Variants in DOCK10 observed in about 807,000 individuals in gnomAD.
The protein encoded by DOCK10 is dedicator of cytokinesis protein 10.
Under a neutral mutation model 280.1 loss-of-function variants are expected in DOCK10, and 145 were observed. That is an observed-to-expected ratio of 0.52 (90% confidence interval 0.45 to 0.59). The LOEUF is 0.59. Among genes scored for constraint, DOCK10 ranks in the 20% least tolerant of loss-of-function variants. The pLI is 0.00. For synonymous variants in DOCK10, 915 were observed against 942.2 expected, an observed-to-expected ratio of 0.97 and a Z score of 0.53; for missense variants, 2,368 against 2,651.7, an observed-to-expected ratio of 0.89 and a Z score of 2.35.
intron 50 of DOCK10, among the ~76,000 whole-genome samples, chr2:224,783,411 A>C (rs1691498357): frequency 6.6e-6 from 1 of 151,758 alleles, no homozygotes; most frequent in Non-Finnish European, 1.5e-5. Context: ...AGTAGCTGGG[A>C]TTACAGGCGC....
intron 39 of DOCK10, among the ~76,000 whole-genome samples, chr2:224,802,859 A>G (rs1052909946): frequency 6.6e-6 from 1 of 152,160 alleles, no homozygotes; most frequent in African/African-American, 2.4e-5. Flanking sequence ...TTACCTAAAA[A>G]TGAGGCAGTG....
chr2:224,991,442 C>T (rs1434164808), intron 1 of DOCK10, among the ~76,000 whole-genome samples: 9 of 152,184 alleles, frequency 5.9e-5, no homozygotes, highest in Non-Finnish European at 1.3e-4. Context: ...TAGGTGGTAT[C>T]ATTCTTTCAC....
chr2:224,825,106 G>A (rs1694761284), intron 27 of DOCK10, among the ~76,000 whole-genome samples: 1 of 151,456 alleles, frequency 6.6e-6, no homozygotes, highest in Admixed American at 6.6e-5. Context: ...AGCCTCCTGA[G>A]TAGCTGGGAT....
At chr2:224,922,888 A>G (rs1303470265) in intron 2 of DOCK10, among the ~76,000 whole-genome samples, 1 of 152,226 alleles carries the variant, frequency 6.6e-6, no homozygotes, top group Non-Finnish European at 1.5e-5. Flanking sequence ...TTGGGGAGTT[A>G]TAAGCCTCAC....
chr2:224,896,239 A>G, intron 4 of DOCK10, 56 bp downstream of exon 4: 1 of 1,057,222 alleles, frequency 9.5e-7, no homozygotes, highest in Non-Finnish European at 1.4e-6. Context: ...GGACTAGAAC[A>G]GAGGATGTCA....
chr2:224,793,328 A>T, intron 46 of DOCK10, 72 bp downstream of exon 46: 1 of 1,224,828 alleles, frequency 8.2e-7, no homozygotes, highest in Non-Finnish European at 1.2e-6. Flanking sequence ...ATGTAAAATT[A>T]ATACATTATT....
intron 2 of DOCK10, among the ~76,000 whole-genome samples, chr2:224,922,051 G>A (rs1053500808): frequency 3.3e-5 from 5 of 151,290 alleles, no homozygotes; most frequent in African/African-American, 9.7e-5. Flanking sequence ...CCCGGGTGGC[G>A]GAGGTTGCGG....
intron 19 of DOCK10, among the ~76,000 whole-genome samples, chr2:224,848,198 C>A (rs943496619): frequency 7.2e-5 from 11 of 152,130 alleles, no homozygotes; most frequent in African/African-American, 2.4e-4. Context: ...TCATTTCAGA[C>A]TTCGTACCAC....
intron 7 of DOCK10, among the ~76,000 whole-genome samples, chr2:224,885,062 C>T (rs756455639): frequency 1.3e-5 from 2 of 152,168 alleles, no homozygotes; most frequent in South Asian, 2.1e-4. Flanking sequence ...TGCAGTGGCA[C>T]GATCTCGGCT....
intron 16 of DOCK10, 111 bp downstream of exon 16, chr2:224,854,852 T>TAGCCAACCAACCAACC (rs1696997574): frequency 1.5e-6 from 1 of 660,410 alleles, no homozygotes; most frequent in Admixed American, 3.1e-5. Flanking sequence ...ACCAACCAAC[T>TAGCCAACCAACCAACC]AGCCAACCAA....
chr2:224,857,099 T>C, intron 14 of DOCK10, 117 bp from the exon 15 acceptor site: 3 of 903,258 alleles, frequency 3.3e-6, no homozygotes, highest in Non-Finnish European at 4.5e-6. Flanking sequence ...TAAGAACTTA[T>C]AAAATAAAAA....
At chr2:225,031,582 C>T (rs892373400) in intron 1 of DOCK10, among the ~76,000 whole-genome samples, 2 of 152,168 alleles carry the variant, frequency 1.3e-5, no homozygotes, top group African/African-American at 4.8e-5. Flanking sequence ...AAGCCAGGGA[C>T]AGACACAGAA....
chr2:224,801,784 G>A lies in DOCK10; in HGVS notation c.4393+132C>T, dbSNP rs1693032814. ...TTTTTTTTTAACCACTCCCTGGTGA[G>A]TCTTTCCCTTAAGAAATATTCCCAG... is the stretch of plus-strand genomic sequence containing the variant. On this transcript the variant is annotated intron_variant, in intron 40 of 55. Coordinates refer to ENST00000258390, the MANE Select transcript of DOCK10 (RefSeq NM_014689.3). The A allele has an allele frequency of 5.0e-6, 5 of 1,009,422 alleles. No homozygotes were observed. The South Asian group carries it at 6.3e-5, about 13-fold the overall frequency. The allele number at this position is 1,009,422 out of a possible 1,614,324, so 62.5% of individuals were successfully genotyped here.
At chr2:225,031,221 G>A (rs572305322) in intron 1 of DOCK10, among the ~76,000 whole-genome samples, 1 of 152,316 alleles carries the variant, frequency 6.6e-6, no homozygotes, top group Non-Finnish European at 1.5e-5. Flanking sequence ...CAGACTGGCT[G>A]CCAGGGAAGT....
Position 225,039,106 on chromosome 2 carries a change from T to A in DOCK10, c.123+3146A>T, listed in dbSNP as rs748209041. Among the ~76,000 whole-genome samples, 199 of 152,242 alleles carry A rather than the reference T, an allele frequency of 1.3e-3. 1 individual carries two copies. Among genetic ancestry groups the A allele is most frequent in the Non-Finnish European group, 2.6e-3 (174 of 68,030 alleles). On this transcript the variant is annotated intron_variant, in intron 1 of 55. Coordinates refer to ENST00000258390, the MANE Select transcript of DOCK10 (RefSeq NM_014689.3). ...GAACTAATTCATGCTAGGGTACAGA[T>A]ACACTTCATTCATTTTAAAAGATGA...
intron 1 of DOCK10, among the ~76,000 whole-genome samples, chr2:224,999,013 C>A (rs948254895): frequency 6.6e-6 from 1 of 152,082 alleles, no homozygotes; most frequent in Admixed American, 6.6e-5. Flanking sequence ...ATGGTGAAAC[C>A]TCGGCTCTAC....
At chr2:224,960,457 G>T (rs940553020) in intron 1 of DOCK10, among the ~76,000 whole-genome samples, 5 of 152,292 alleles carry the variant, frequency 3.3e-5, no homozygotes, top group Admixed American at 3.3e-4. Flanking sequence ...TAGAGGAGTT[G>T]GTTTGGCAGG....
At chr2:224,781,175 C>T (rs1159689465) in intron 50 of DOCK10, among the ~76,000 whole-genome samples, 1 of 152,186 alleles carries the variant, frequency 6.6e-6, no homozygotes, top group Non-Finnish European at 1.5e-5. Flanking sequence ...ACTCAGTTTT[C>T]AGTGCTCGAA....
chr2:224,890,197 T>C (rs1337455908), intron 4 of DOCK10, among the ~76,000 whole-genome samples: 2 of 152,248 alleles, frequency 1.3e-5, no homozygotes, highest in African/African-American at 4.8e-5. Context: ...TTGGCCAGCA[T>C]GGCTTATCCT....
Sources: allele counts gnomAD v4.1 joint callset (sites outside exome capture counted in the v4.1 genomes callset), GRCh38; gene constraint gnomAD v4.1.1; transcripts MANE v1.5; gene names NCBI Gene and HGNC (gene_info 2026-07-23, HGNC 2026-07-21).